Variants in RIPOR1 observed in about 807,000 individuals in gnomAD.
RIPOR1 encodes the protein RHO family interacting cell polarization regulator 1.
RIPOR1 carries 58 observed loss-of-function variants against 116.5 expected under a neutral mutation model. The ratio of observed to expected loss-of-function variants is 0.50; its 90% CI spans 0.40 to 0.62. The LOEUF is 0.62. Among genes scored for constraint, RIPOR1 ranks in the 20% least tolerant of loss-of-function variants. The probability of loss-of-function intolerance (pLI) is 0.00; values close to 1 mark genes in which losing one functional copy is unlikely to be tolerated. For missense variants in RIPOR1, 1,372 were observed against 1,586.2 expected (o/e 0.86, Z 2.29); for synonymous variants, 605 against 650.0 (o/e 0.93, Z 1.05).
chr16:67,543,663 CAT>C lies in RIPOR1; in HGVS notation c.2600+195_2600+196del. On this transcript the variant is annotated intron_variant, in intron 14 of 21. Coordinates refer to ENST00000042381, the MANE Select transcript of RIPOR1 (RefSeq NM_024519.4). This position sits in a 1 kb window ranked among gnomAD's most constrained non-coding sequence, Gnocchi z 4.7. The stretch of plus-strand genomic sequence containing the variant: ...CCACCCCTCCCATGTCCTTCATGCC[CAT>C]GTCTCCAACCCTACGTGTGTCCCCA... The C allele has an allele frequency of 1.4e-6, 1 of 715,462 alleles. No homozygotes were observed. Among genetic ancestry groups the C allele is most frequent in the East Asian group, 2.7e-5 (1 of 36,548 alleles). The allele number at this position is 715,462 out of a possible 1,614,324, so 44.3% of individuals were successfully genotyped here. A position where few individuals can be genotyped will look rare whatever the true frequency, so the allele number is the denominator to read the frequency against.
In RIPOR1 at chr16:67,545,094, G is replaced by A. The variant is rs749571482; in HGVS notation, c.3008G>A (p.Arg1003His). The change falls in exon 17 of 22, where the codon CGC becomes CAC. Residue 1003 changes from arginine to histidine, a missense_variant. By Grantham distance (29) the Arg-to-His change is conservative. Transcript: ENST00000042381. The surrounding 1 kb of genome is among the most constrained non-coding windows in gnomAD (Gnocchi z 4.8). ...CAGTATGGTGCCCGCCTCTCCCTGC[G>A]CCAGCCAGGCTTGGCTGAGGCTGGT... ...CNQYGARLSL[R>H]QPGLAEAVCV... The A allele has an allele frequency of 1.7e-5, 27 of 1,612,774 alleles. No homozygotes were observed. The highest frequency in any genetic ancestry group is 7.7e-5 in the South Asian group (7 of 91,090).
In RIPOR1 at chr16:67,542,314, G is replaced by A. The variant is rs201348040; in HGVS notation, c.1528G>A (p.Gly510Ser). 9.3e-6 allele frequency: 15 copies of A among 1,613,740 alleles called. No homozygotes were observed. Among genetic ancestry groups the A allele is most frequent in the East Asian group, 6.7e-5 (3 of 44,866 alleles). The change falls in exon 13 of 22, where the codon GGT becomes AGT. Residue 510 changes from glycine (G) to serine (S), a missense_variant. Gly to Ser is a moderately conservative substitution (Grantham distance 56). Coordinates refer to ENST00000042381, the MANE Select transcript of RIPOR1 (RefSeq NM_024519.4). This position sits in a 1 kb window ranked among gnomAD's most constrained non-coding sequence, Gnocchi z 4.6. ...CCACTCTGCCACAAGCTCTACCCTC[G>A]GTACAACAGGCTCTGTCCCCACATC... Reference protein sequence around the residue: ...PGHSATSSTLGTTGSVPTSTD... With the variant: ...PGHSATSSTLSTTGSVPTSTD...
At chr16:67,532,969 A>C (rs2050698863) in intron 1 of RIPOR1, among the ~76,000 whole-genome samples, 1 of 151,936 alleles carries the variant, frequency 6.6e-6, no homozygotes, top group African/African-American at 2.4e-5. Context: ...GCTCGAGGGG[A>C]GAGTTGGTGA....
Position 67,539,596 on chromosome 16 carries a change from G to C in RIPOR1, c.337-132G>C, listed in dbSNP as rs1045940670. The C allele has an allele frequency of 4.5e-5, 49 of 1,092,676 alleles. No individual in the cohort carries two copies. In the South Asian group the frequency reaches 6.2e-4, roughly 14 times the overall value. 67.7% of individuals were successfully genotyped at this position (1,092,676 alleles called of 1,614,324 possible). ...AAGGGCTAGACCAGCAGGAAGGGGC[G>C]TCAGTTGCTACTGTGACAGGAGTGC... On this transcript the variant is annotated intron_variant, in intron 4 of 21. Coordinates refer to ENST00000042381, the MANE Select transcript of RIPOR1 (RefSeq NM_024519.4).
rs1490289687 is a variant in RIPOR1, at chr16:67,542,284, C to T, written c.1498C>T (p.Pro500Ser). Reference sequence around the variant, plus strand: ...CAGTCCTGTTCCTCCTGCCCTGGACCCTGGCCACTCTGCCACAAGCTCTAC... The same window carrying T: ...CAGTCCTGTTCCTCCTGCCCTGGACTCTGGCCACTCTGCCACAAGCTCTAC... ...HPSPVPPALD[P>S]GHSATSSTLG... is the part of the protein sequence containing the mutation. The change falls in exon 13 of 22, where the codon CCT becomes TCT. Residue 500 changes from proline (P) to serine (S), a missense_variant. This residue lies in a region of RIPOR1 where 1,005 missense variants were observed against 1,144.7 expected (regional missense o/e 0.88). Coordinates refer to ENST00000042381, the MANE Select transcript of RIPOR1 (RefSeq NM_024519.4). This position sits in a 1 kb window ranked among gnomAD's most constrained non-coding sequence, Gnocchi z 4.6. 1 of 1,613,952 alleles carries T rather than the reference C, an allele frequency of 6.2e-7. No homozygotes were observed. The highest frequency in any genetic ancestry group is 1.1e-5 in the South Asian group (1 of 91,086).
rs2050614024 is a variant in RIPOR1, at chr16:67,530,018, T to C, written c.-24+1104T>C. 1 of 658,762 alleles carries C rather than the reference T, an allele frequency of 1.5e-6. No individual in the cohort carries two copies. The highest frequency in any genetic ancestry group is 1.8e-5 in the African/African-American group (1 of 56,448). The allele number at this position is 658,762 out of a possible 1,614,324, so 40.8% of individuals were successfully genotyped here. Reference sequence around the variant, plus strand: ...AATACTCCAGCGGGACAAGGAGGACTGGCATAGCTCCTTCTTCCACCGCCC... The same window carrying C: ...AATACTCCAGCGGGACAAGGAGGACCGGCATAGCTCCTTCTTCCACCGCCC... On this transcript the variant is annotated intron_variant, in intron 1 of 21. Transcript: ENST00000042381. This position sits in a 1 kb window ranked among gnomAD's most constrained non-coding sequence, Gnocchi z 4.5.
chr16:67,538,096 A>G (rs1428402141), intron 1 of RIPOR1: 25 of 269,756 alleles, frequency 9.3e-5, no homozygotes, highest in Non-Finnish European at 2.8e-5. Flanking sequence ...GCTTCCGCAC[A>G]TTCTTCGCGC....
rs1035262694 is a variant in RIPOR1 at position 67,529,509 on chromosome 16, G to A, written c.-24+595G>A. 2.5e-6 allele frequency: 1 copy of A among 403,924 alleles called. No individual in the cohort carries two copies. The highest frequency in any genetic ancestry group is 4.4e-6 in the Non-Finnish European group (1 of 225,120). The allele number at this position is 403,924 out of a possible 1,614,324, so 25.0% of individuals were successfully genotyped here. A position where few individuals can be genotyped will look rare whatever the true frequency, so the allele number is the denominator to read the frequency against. On this transcript the variant is annotated intron_variant, in intron 1 of 21. Transcript: ENST00000042381. The surrounding 1 kb of genome is among the most constrained non-coding windows in gnomAD (Gnocchi z 4.1). Reference sequence around the variant, plus strand: ...AACGGAGCTTTTCCCTGGAAATGGAGGTTGGCGCAAGGTTCCTGCAACAGC... The same window carrying A: ...AACGGAGCTTTTCCCTGGAAATGGAAGTTGGCGCAAGGTTCCTGCAACAGC...
At chr16:67,539,127 G>A (rs747606122) in intron 4 of RIPOR1, 59 bp downstream of exon 4, 1,123 of 1,413,562 alleles carry the variant, frequency 7.9e-4, no homozygotes, top group Non-Finnish European at 1.0e-3. Flanking sequence ...CTGGGCAAGG[G>A]CAGCCCTGGG....
upstream of RIPOR1, among the ~76,000 whole-genome samples, chr16:67,525,891 G>C (rs185250509): frequency 6.6e-6 from 1 of 152,150 alleles, no homozygotes; most frequent in Admixed American, 6.6e-5. Context: ...GGAAGTTCTT[G>C]CCTTCCCTGA....
intron 1 of RIPOR1, among the ~76,000 whole-genome samples, chr16:67,534,097 G>T (rs1036149243): frequency 1.3e-5 from 2 of 150,540 alleles, no homozygotes; most frequent in African/African-American, 4.9e-5. Flanking sequence ...TAGGATTACA[G>T]GCATGAGCTG....
chr16:67,544,197 A>T lies in RIPOR1; in HGVS notation c.2601-102A>T. The T allele has an allele frequency of 1.4e-6, 2 of 1,449,926 alleles. No homozygotes were observed. The highest frequency in any genetic ancestry group is 2.7e-5 in the South Asian group (2 of 74,814). The allele number at this position is 1,449,926 out of a possible 1,614,324, so 89.8% of individuals were successfully genotyped here. A position where few individuals can be genotyped will look rare whatever the true frequency, so the allele number is the denominator to read the frequency against. On this transcript the variant is annotated intron_variant, in intron 14 of 21. Transcript: ENST00000042381. The surrounding 1 kb of genome is among the most constrained non-coding windows in gnomAD (Gnocchi z 5.1). ...CCCCACTGTCTGCTGTCGGTGCATC[A>T]TCTTCTTCCTTTCTGGCATGGGGGA...
At chr16:67,533,247 T>G (rs1393728483) in intron 1 of RIPOR1, among the ~76,000 whole-genome samples, 12 of 152,138 alleles carry the variant, frequency 7.9e-5, no homozygotes, top group Admixed American at 7.9e-4. Context: ...CAGCATGCAC[T>G]ATGACAGCGC....
rs748133124 is a variant in RIPOR1 at position 67,538,536 on chromosome 16, C to G, written c.90C>G (p.His30Gln). The change falls in exon 2 of 22, where the codon CAC becomes CAG. Residue 30 changes from histidine (H) to glutamine (Q), a missense_variant. His to Gln is a conservative substitution (Grantham distance 24, BLOSUM62 0). Around this residue, in one of 3 missense-constraint regions of RIPOR1, gnomAD observed 165 missense variants for 145.5 expected, o/e 1.13. Coordinates refer to ENST00000042381, the MANE Select transcript of RIPOR1 (RefSeq NM_024519.4). ...SQSFAGVLGSHERGPRSFPVF... is the reference protein window; with the variant it reads ...SQSFAGVLGSQERGPRSFPVF... ...CCTTCGCAGGCGTCCTCGGCAGCCA[C>G]GAGCGGGGGCCCAGGTACGCGGCCG... 20 of 1,612,088 alleles carry G rather than the reference C, an allele frequency of 1.2e-5. No homozygotes were observed. The highest frequency in any genetic ancestry group is 1.7e-5 in the Non-Finnish European group (20 of 1,179,314).
chr16:67,544,371 G>C lies in RIPOR1; in HGVS notation c.2673G>C (p.Gly891=), dbSNP rs1369827547. The change falls in exon 15 of 22, where the codon GGG becomes GGC. Residue 891 remains glycine (G), a synonymous_variant. Transcript: ENST00000042381. This position sits in a 1 kb window ranked among gnomAD's most constrained non-coding sequence, Gnocchi z 5.1. ...DSPSARPLST[G]CPALDAALVR... ...CCAGTGCCCGCCCCCTCAGCACGGG[G>C]TGTCCAGCTCTGGATGCTGCCTTGG... 4.3e-6 allele frequency: 7 copies of C among 1,613,172 alleles called. No homozygotes were observed. Among genetic ancestry groups the C allele is most frequent in the Non-Finnish European group, 5.9e-6 (7 of 1,179,852 alleles).
rs772232836 is a variant in RIPOR1, at chr16:67,546,012, C to G, written c.3451C>G (p.Leu1151Val). The G allele has an allele frequency of 3.7e-6, 6 of 1,613,278 alleles. No individual in the cohort carries two copies. The highest frequency in any genetic ancestry group is 1.6e-4 in the Middle Eastern group (1 of 6,084). Reference protein sequence around the residue: ...EDVQTRVAGCLALGCIKAPEG... With the variant: ...EDVQTRVAGCVALGCIKAPEG... ...CGTGCAGACTCGAGTGGCTGGCTGC[C>G]TGGCCCTAGGCTGCATCAAGGTGAC... is the stretch of plus-strand genomic sequence containing the variant. The change falls in exon 20 of 22, where the codon CTG becomes GTG. Residue 1151 changes from leucine (L) to valine (V), a missense_variant. By Grantham distance (32) the Leu-to-Val change is conservative (BLOSUM62 1). Coordinates refer to ENST00000042381, the MANE Select transcript of RIPOR1 (RefSeq NM_024519.4).
rs1168253765 is a variant in RIPOR1 at position 67,531,463 on chromosome 16, G to A, written c.-24+2549G>A. The stretch of plus-strand genomic sequence containing the variant: ...ACTGACAACTGGGTTATGTGGTCTC[G>A]GGGTTCAGAGGGAGGAAGTCAAAAA... On this transcript the variant is annotated intron_variant, in intron 1 of 21. Transcript: ENST00000042381. The surrounding 1 kb of genome is among the most constrained non-coding windows in gnomAD (Gnocchi z 4.2). 2.0e-5 allele frequency: 7 copies of A among 348,614 alleles called. No individual in the cohort carries two copies. Among genetic ancestry groups the A allele is most frequent in the Admixed American group, 1.9e-4 (5 of 26,630 alleles). 21.6% of individuals were successfully genotyped at this position (348,614 alleles called of 1,614,324 possible). A position where few individuals can be genotyped will look rare whatever the true frequency, so the allele number is the denominator to read the frequency against.
Position 67,531,175 on chromosome 16 carries a change from C to T in RIPOR1, c.-24+2261C>T, listed in dbSNP as rs575202453. Among the ~76,000 whole-genome samples, 82 of 152,020 alleles carry T rather than the reference C, an allele frequency of 5.4e-4. No homozygotes were observed. The highest frequency in any genetic ancestry group is 1.8e-3 in the African/African-American group (75 of 41,458). ...CAGAGCCCCACTTGCTGATGGTATACGATACCATCAGCCAGTGGGAAGGGA... is the reference window on the plus strand; with the variant it reads ...CAGAGCCCCACTTGCTGATGGTATATGATACCATCAGCCAGTGGGAAGGGA... On this transcript the variant is annotated intron_variant, in intron 1 of 21. Transcript: ENST00000042381. The surrounding 1 kb of genome is among the most constrained non-coding windows in gnomAD (Gnocchi z 4.2).
Position 67,540,141 on chromosome 16 carries a change from C to G in RIPOR1, c.503C>G (p.Pro168Arg). The G allele has an allele frequency of 6.2e-7, 1 of 1,614,180 alleles. No individual in the cohort carries two copies. Among genetic ancestry groups the G allele is most frequent in the Non-Finnish European group, 8.5e-7 (1 of 1,180,032 alleles). The part of the protein sequence containing the change: ...NMVRAYTTGS[P>R]GSREARDSLA... ...GTCCGTGCCTACACCACTGGGTCCC[C>G]GGGAAGCCGAGAGGCCCGGGACAGC... The change falls in exon 7 of 22, where the codon CCG (proline) becomes CGG (arginine). Residue 168 changes from proline (P) to arginine (R), a missense_variant. Pro to Arg is a moderately radical substitution (Grantham distance 103). Around this residue, in one of 3 missense-constraint regions of RIPOR1, gnomAD observed 202 missense variants for 295.9 expected, o/e 0.68. Coordinates refer to ENST00000042381, the MANE Select transcript of RIPOR1 (RefSeq NM_024519.4). The surrounding 1 kb of genome is among the most constrained non-coding windows in gnomAD (Gnocchi z 4.7).
Sources: gnomAD v4.1 joint callset for allele counts (sites outside exome capture counted in the v4.1 genomes callset) on GRCh38, gnomAD v4.1.1 for gene constraint, gnomAD v4.1.1 regional missense constraint, Gnocchi (gnomAD v3.1) non-coding constraint, MANE v1.5 for transcripts, NCBI Gene and HGNC (gene_info 2026-07-23, HGNC 2026-07-21) for gene names.